The following DACH1 variants were observed in gnomAD, a reference collection of about 807,000 sequenced individuals.
DACH1 encodes dachshund family transcription factor 1.
In DACH1, 12 loss-of-function variants were observed where a neutral mutation model predicts 54.2. The observed-to-expected ratio is 0.22, with a 90% confidence interval of 0.14 to 0.36. DACH1 has a LOEUF of 0.36. Among genes scored for constraint, DACH1 ranks in the 10% least tolerant of loss-of-function variants. The pLI, the probability that DACH1 is intolerant of heterozygous loss-of-function variation, is 1.00. For synonymous variants in DACH1, 386 were observed against 366.2 expected (o/e 1.05, Z -0.62); for missense variants, 805 against 929.8 (o/e 0.87, Z 1.75).
chr13:71,642,284 T>G (rs1003789831), intron 2 of DACH1, among the ~76,000 whole-genome samples: 1 of 152,192 alleles, frequency 6.6e-6, no homozygotes, highest in African/African-American at 2.4e-5. Flanking sequence ...AAACTAAAAC[T>G]AAGACACTTC....
chr13:71,466,112 C>G (rs572210800), intron 10 of DACH1, among the ~76,000 whole-genome samples: 2 of 152,102 alleles, frequency 1.3e-5, no homozygotes, highest in Non-Finnish European at 1.5e-5. Context: ...TGTGTCACAA[C>G]TTTTAAATTA....
chr13:71,692,796 C>T (rs944676895), intron 1 of DACH1, among the ~76,000 whole-genome samples: 1 of 152,018 alleles, frequency 6.6e-6, no homozygotes, highest in Non-Finnish European at 1.5e-5. Flanking sequence ...GCTGGGATTA[C>T]AGGCGTGAGC....
chr13:71,556,444 A>G (rs995976156), intron 6 of DACH1, among the ~76,000 whole-genome samples: 1 of 152,146 alleles, frequency 6.6e-6, no homozygotes, highest in Non-Finnish European at 1.5e-5. Flanking sequence ...TAATTTTTTC[A>G]TGGAATTATC....
rs1294652943 is a variant in DACH1 at position 71,563,290 on chromosome 13, T to C, written c.1300-3335A>G. 2.0e-5 allele frequency among the ~76,000 whole-genome samples: 3 copies of C among 152,050 alleles called. 1 individual carries two copies. The highest frequency in any genetic ancestry group is 6.3e-3 in the Middle Eastern group (2 of 316). On this transcript the variant is annotated intron_variant, in intron 4 of 10. Coordinates refer to ENST00000613252, the MANE Select transcript of DACH1 (RefSeq NM_080759.6). ...TTTTCTTAATCATTATGTTAATGCA[T>C]GTTTGGCTGAACAGACATAAAGTAC...
At chr13:71,540,673 G>C (rs1192911444) in intron 6 of DACH1, among the ~76,000 whole-genome samples, 1 of 151,914 alleles carries the variant, frequency 6.6e-6, no homozygotes, top group Non-Finnish European at 1.5e-5. Flanking sequence ...TCTTACAATG[G>C]AGTAAAGATC....
intron 2 of DACH1, among the ~76,000 whole-genome samples, chr13:71,658,479 G>C (rs991599510): frequency 2.0e-5 from 3 of 152,114 alleles, no homozygotes; most frequent in African/African-American, 7.2e-5. Context: ...GAACCCGGGA[G>C]GCTGAGGTTG....
At chr13:71,850,541 C>T (rs540348514) in intron 1 of DACH1, among the ~76,000 whole-genome samples, 14 of 152,264 alleles carry the variant, frequency 9.2e-5, no homozygotes, top group South Asian at 2.1e-4. Flanking sequence ...TGCCCACCTC[C>T]GACGTGCAAG....
intron 3 of DACH1, among the ~76,000 whole-genome samples, chr13:71,589,313 C>A (rs1027461500): frequency 6.6e-6 from 1 of 151,840 alleles, no homozygotes; most frequent in Non-Finnish European, 1.5e-5. Flanking sequence ...ACTGTCAACT[C>A]TAATTTCGAA....
chr13:71,794,164 C>T (rs185516912), intron 1 of DACH1, among the ~76,000 whole-genome samples: 92 of 152,176 alleles, frequency 6.0e-4, no homozygotes, highest in Admixed American at 2.0e-3. Context: ...CCATGCTCTC[C>T]GTCAACTCAA....
intron 2 of DACH1, among the ~76,000 whole-genome samples, chr13:71,649,331 A>G (rs1028137576): frequency 3.3e-5 from 5 of 152,158 alleles, no homozygotes; most frequent in African/African-American, 1.2e-4. Flanking sequence ...CTTCGTCATT[A>G]AGGGAGACAT....
In DACH1 at chr13:71,779,158, CGT is replaced by C. The variant is rs1566494640; in HGVS notation, c.848+86762_848+86763del. ...ATATACACATATATACACATATATA[CGT>C]ATATACGTATATATATACACATATA... On this transcript the variant is annotated intron_variant, in intron 1 of 10. Transcript: ENST00000613252. 3.5e-3 allele frequency among the ~76,000 whole-genome samples: 276 copies of C among 78,172 alleles called. 3 individuals carry two copies. Among genetic ancestry groups the C allele is most frequent in the African/African-American group, 0.012 (261 of 21,344 alleles). 51.3% of individuals were successfully genotyped at this position (78,172 alleles called of 152,430 possible). A position where few individuals can be genotyped will look rare whatever the true frequency, so the allele number is the denominator to read the frequency against.
intron 3 of DACH1, among the ~76,000 whole-genome samples, chr13:71,595,841 C>T (rs1230731661): frequency 1.3e-5 from 2 of 152,084 alleles, no homozygotes; most frequent in Non-Finnish European, 2.9e-5. Context: ...TTCCCAAAGT[C>T]CCCACCTCTA....
intron 4 of DACH1, among the ~76,000 whole-genome samples, chr13:71,564,601 G>T (rs897724866): frequency 5.9e-5 from 9 of 151,828 alleles, no homozygotes; most frequent in African/African-American, 1.9e-4. Context: ...ATCAAAAATA[G>T]AATTCAAAAA....
chr13:71,569,019 CA>C (rs1349600415), intron 4 of DACH1, among the ~76,000 whole-genome samples: 1 of 151,994 alleles, frequency 6.6e-6, no homozygotes, highest in African/African-American at 2.4e-5. Flanking sequence ...TACAACCAGC[CA>C]TAGAAAGTCT....
At chr13:71,658,649 G>A (rs1879296042) in intron 2 of DACH1, among the ~76,000 whole-genome samples, 1 of 152,066 alleles carries the variant, frequency 6.6e-6, no homozygotes, top group Non-Finnish European at 1.5e-5. Flanking sequence ...TTCTCACCTT[G>A]TAGGAAATAT....
At position 71,612,503 on chromosome 13, in the gene DACH1, C is replaced by T. The variant is rs1327574211; in HGVS notation, c.1126+18053G>A. ...AAAAAAAGATTAGACCTTATTTTCC[C>T]TACCTAATAACCTGGAGTAAACACC... On this transcript the variant is annotated intron_variant, in intron 3 of 10. Coordinates refer to ENST00000613252, the MANE Select transcript of DACH1 (RefSeq NM_080759.6). Among the ~76,000 whole-genome samples the T allele has an allele frequency of 3.9e-5, 6 of 152,116 alleles. No homozygotes were observed. In the East Asian group the frequency reaches 9.7e-4, roughly 25 times the overall value.
intron 3 of DACH1, among the ~76,000 whole-genome samples, chr13:71,623,780 C>A (rs1292170827): frequency 4.0e-5 from 6 of 151,750 alleles, no homozygotes; most frequent in Admixed American, 1.3e-4. Context: ...TATTTATTAA[C>A]TACATTATTA....
At chr13:71,603,132 G>A (rs565620383) in intron 3 of DACH1, among the ~76,000 whole-genome samples, 41 of 151,966 alleles carry the variant, frequency 2.7e-4, no homozygotes, top group Non-Finnish European at 5.2e-4. Context: ...AGAATGTAAC[G>A]GTCACCACAA....
intron 1 of DACH1, among the ~76,000 whole-genome samples, chr13:71,712,254 TC>T (rs1212569205): frequency 6.6e-6 from 1 of 152,074 alleles, no homozygotes; most frequent in Non-Finnish European, 1.5e-5. Flanking sequence ...AATCTTTTTT[TC>T]TTAGAACTTC....
Sources: allele counts gnomAD v4.1 joint callset (sites outside exome capture counted in the v4.1 genomes callset), GRCh38; gene constraint gnomAD v4.1.1; transcripts MANE v1.5; gene names NCBI Gene and HGNC (gene_info 2026-07-23, HGNC 2026-07-21).